The following PI4KA variants were observed in gnomAD, a reference collection of about 807,000 sequenced individuals.
The protein encoded by PI4KA is PI4-kinase alpha.
A neutral mutation model predicts 271.4 loss-of-function variants in PI4KA; 122 were observed. The observed-to-expected ratio is 0.45, with a 90% CI of 0.39 to 0.52. PI4KA has a LOEUF of 0.52. PI4KA is among the 20% of genes least tolerant of loss of function. The pLI is 0.00. For missense variants in PI4KA, 1,969 were observed against 2,769.1 expected (o/e 0.71, Z 6.48); for synonymous variants, 1,041 against 1,078.8 (o/e 0.96, Z 0.69).
At chr22:20,785,750 G>T (rs1934167487) in intron 19 of PI4KA, among the ~76,000 whole-genome samples, 1 of 152,064 alleles carries the variant, frequency 6.6e-6, no homozygotes, top group African/African-American at 2.4e-5. Context: ...TGCTAACCTT[G>T]AAGATAGGAA....
At chr22:20,731,474 A>G (rs1422475293) in intron 36 of PI4KA, among the ~76,000 whole-genome samples, 1 of 151,916 alleles carries the variant, frequency 6.6e-6, no homozygotes, top group East Asian at 1.9e-4. Flanking sequence ...CTGTAATCCC[A>G]GCACTTTAGG....
chr22:20,813,219 T>C (rs1921296442), intron 8 of PI4KA, 139 bp downstream of exon 8: 2 of 646,664 alleles, frequency 3.1e-6, no homozygotes, highest in Non-Finnish European at 5.4e-6. Context: ...ACTTCCTTCA[T>C]TAATCTGCAA....
At chr22:20,814,189 T>A (rs970570184) in intron 7 of PI4KA, among the ~76,000 whole-genome samples, 14 of 147,338 alleles carry the variant, frequency 9.5e-5, no homozygotes, top group African/African-American at 3.0e-4. Flanking sequence ...GAAAAAAAAA[T>A]GCACACTACT....
At chr22:20,733,952 C>T (rs1568967263) in intron 34 of PI4KA, 91 bp downstream of exon 34, 1 of 1,524,664 alleles carries the variant, frequency 6.6e-7, no homozygotes, top group Non-Finnish European at 8.8e-7. Flanking sequence ...GAAATGTGTT[C>T]CCCGTCTACA....
At chr22:20,807,302 G>A (rs913525972) in intron 10 of PI4KA, 60 bp downstream of exon 10, 45 of 1,051,102 alleles carry the variant, frequency 4.3e-5, no homozygotes, top group South Asian at 1.9e-4. Flanking sequence ...ACTAGCATGC[G>A]ACAGTGGCCT....
intron 18 of PI4KA, among the ~76,000 whole-genome samples, chr22:20,795,908 G>C (rs557786073): frequency 6.6e-6 from 1 of 152,140 alleles, no homozygotes; most frequent in South Asian, 2.1e-4. Flanking sequence ...CACCACCCTA[G>C]GATGGGTCGG....
intron 18 of PI4KA, among the ~76,000 whole-genome samples, chr22:20,794,298 C>T (rs1236354567): frequency 6.6e-6 from 1 of 152,160 alleles, no homozygotes; most frequent in Admixed American, 6.5e-5. Context: ...GGTCCAATTT[C>T]CAGGGGAGAG....
intron 1 of PI4KA, among the ~76,000 whole-genome samples, chr22:20,844,203 C>T (rs1925957324): frequency 6.6e-6 from 1 of 152,164 alleles, no homozygotes; most frequent in African/African-American, 2.4e-5. Context: ...GGCCTGTGAC[C>T]TCCTCATCAC....
At chr22:20,786,123 C>A (rs749834105) in intron 19 of PI4KA, 10 of 1,614,036 alleles carry the variant, frequency 6.2e-6, no homozygotes, top group Non-Finnish European at 8.5e-6. Flanking sequence ...GCAGGCATCT[C>A]AGACCAAAGG....
intron 2 of PI4KA, among the ~76,000 whole-genome samples, chr22:20,837,353 G>A (rs1233244860): frequency 6.6e-6 from 1 of 150,562 alleles, no homozygotes; most frequent in East Asian, 1.9e-4. Context: ...CTCCAGCCTA[G>A]GCGATAGAGT....
chr22:20,750,028 G>A (rs1170809840), intron 27 of PI4KA, 34 bp from the exon 28 acceptor site: 7 of 1,442,768 alleles, frequency 4.9e-6, no homozygotes, highest in Non-Finnish European at 6.8e-6. Flanking sequence ...TCAACAACCC[G>A]AGGTCAGTTC....
At chr22:20,841,497 C>T (rs1925551365) in intron 1 of PI4KA, among the ~76,000 whole-genome samples, 1 of 152,114 alleles carries the variant, frequency 6.6e-6, no homozygotes, top group Admixed American at 6.5e-5. Flanking sequence ...AATCTGTGAC[C>T]ATTCAGAAAT....
chr22:20,773,906 C>T (rs966838342), intron 19 of PI4KA: 3 of 152,260 alleles, frequency 2.0e-5, no homozygotes, highest in Non-Finnish European at 4.4e-5. Flanking sequence ...CAGTAACCGT[C>T]ATATACTCAA....
intron 4 of PI4KA, among the ~76,000 whole-genome samples, chr22:20,821,411 G>A (rs540265868): frequency 6.6e-6 from 1 of 151,688 alleles, no homozygotes; most frequent in African/African-American, 2.4e-5. Flanking sequence ...GTACAGACAG[G>A]GTTTCACCAT....
At chr22:20,721,194 G>A in intron 43 of PI4KA, 104 bp downstream of exon 43, 1 of 1,224,260 alleles carries the variant, frequency 8.2e-7, no homozygotes, top group South Asian at 1.3e-5. Flanking sequence ...AGGGGTCGGT[G>A]AGCTGGGGCA....
chr22:20,796,684 T>TC, intron 17 of PI4KA, among the ~76,000 whole-genome samples: 1 of 152,154 alleles, frequency 6.6e-6, no homozygotes, highest in Non-Finnish European at 1.5e-5. Flanking sequence ...GGATCTTGCT[T>TC]CCCCCCTACA....
chr22:20,733,790 G>A lies in PI4KA; in HGVS notation c.4106C>T (p.Thr1369Ile), dbSNP rs1314163145. ...CTTCTCGCGAAGCACATTGCGGATG[G>A]TTGCATTTGGAACCACATCGGCATG... ...LLHADVVPNATIRNVLREKIY... is the reference protein window; with the variant it reads ...LLHADVVPNAIIRNVLREKIY... Residue 1369 changes from threonine to isoleucine, a missense_variant, in exon 35 of 55, where the codon ACC becomes ATC. Coordinates refer to ENST00000255882, the MANE Select transcript of PI4KA (RefSeq NM_058004.4). 1.2e-6 allele frequency: 2 copies of A among 1,612,848 alleles called. No homozygotes were observed. Among genetic ancestry groups the A allele is most frequent in the East Asian group, 4.5e-5 (2 of 44,882 alleles).
Position 20,710,717 on chromosome 22 carries a change from C to G in PI4KA, c.6065G>C (p.Arg2022Pro). The G allele has an allele frequency of 6.2e-7, 1 of 1,614,024 alleles. No individual in the cohort carries two copies. The highest frequency in any genetic ancestry group is 1.3e-5 in the African/African-American group (1 of 75,038). ...PFKWFMEMCV[R>P]GYLAVRPYMD... ...GGCTCACCGCACAGCCAGGTAGCCT[C>G]GGACACACATCTCCATGAACCACTT... Residue 2022 changes from arginine (R) to proline (P), a missense_variant, in exon 52 of 55, where the codon CGA (arginine) becomes CCA (proline). By Grantham distance (103) the Arg-to-Pro change is moderately radical. Coordinates refer to ENST00000255882, the MANE Select transcript of PI4KA (RefSeq NM_058004.4).
chr22:20,851,646 T>C (rs1926995097), intron 1 of PI4KA, among the ~76,000 whole-genome samples: 2 of 152,158 alleles, frequency 1.3e-5, no homozygotes, highest in African/African-American at 4.8e-5. Flanking sequence ...CTGCGTTGGT[T>C]ATCCTGAATC....
Sources: allele counts gnomAD v4.1 joint callset (sites outside exome capture counted in the v4.1 genomes callset), GRCh38; gene constraint gnomAD v4.1.1; transcripts MANE v1.5; gene names NCBI Gene and HGNC (gene_info 2026-07-23, HGNC 2026-07-21).